DOK6: variants seen among roughly 807,000 people sequenced by gnomAD.
The protein encoded by DOK6 is downstream of tyrosine kinase 6.
DOK6 carries 22 observed loss-of-function variants against 44.0 expected under a neutral mutation model. The ratio of observed to expected loss-of-function variants is 0.50; its 90% CI spans 0.36 to 0.71. The LOEUF is 0.71. Ranked by LOEUF, DOK6 falls within the 30% of genes least tolerant of loss-of-function variation. The pLI, the probability that DOK6 is intolerant of heterozygous loss-of-function variation, is 0.00. For missense variants in DOK6, 340 were observed against 416.4 expected (o/e 0.82, Z 1.60); for synonymous variants, 166 against 145.5 (o/e 1.14, Z -1.01).
At chr18:69,527,911 C>T (rs1981875087) in intron 1 of DOK6, among the ~76,000 whole-genome samples, 1 of 151,950 alleles carries the variant, frequency 6.6e-6, no homozygotes, top group Non-Finnish European at 1.5e-5. Flanking sequence ...ACCTGTAATC[C>T]CAGCAATGCT....
intron 3 of DOK6, among the ~76,000 whole-genome samples, chr18:69,633,281 G>T (rs1338533194): frequency 6.6e-6 from 1 of 152,072 alleles, no homozygotes; most frequent in South Asian, 2.1e-4. Flanking sequence ...TATTCACACC[G>T]ATTTTACAAA....
At chr18:69,692,529 C>T (rs565348203) in intron 4 of DOK6, among the ~76,000 whole-genome samples, 1 of 152,314 alleles carries the variant, frequency 6.6e-6, no homozygotes, top group South Asian at 2.1e-4. Flanking sequence ...AATTTGAAGC[C>T]TCCTGCCATC....
intron 7 of DOK6, among the ~76,000 whole-genome samples, chr18:69,817,590 T>TTCTC (rs908043772): frequency 2.0e-5 from 3 of 151,936 alleles, no homozygotes; most frequent in Non-Finnish European, 2.9e-5. Context: ...GAGAACTGCA[T>TTCTC]TCTCTCTCTC....
chr18:69,813,550 A>G (rs1341663285), intron 7 of DOK6, among the ~76,000 whole-genome samples: 3 of 152,180 alleles, frequency 2.0e-5, no homozygotes, highest in Admixed American at 2.0e-4. Flanking sequence ...GAAACCCTCT[A>G]ACCTTGATGG....
intron 1 of DOK6, among the ~76,000 whole-genome samples, chr18:69,560,172 T>C (rs1982793911): frequency 6.6e-6 from 1 of 152,142 alleles, no homozygotes; most frequent in Admixed American, 6.6e-5. Context: ...GGTATATTGA[T>C]CTTAATTTAA....
In DOK6 at chr18:69,509,277, T is replaced by G. The variant is rs141016082; in HGVS notation, c.67-55210T>G. The stretch of plus-strand genomic sequence containing the variant: ...GTGTGTTTCTTCAACCTCATTTATA[T>G]ATGAAATTCAACCACCTTTCAAAAT... On this transcript the variant is annotated intron_variant, in intron 1 of 7. Coordinates refer to ENST00000382713, the MANE Select transcript of DOK6 (RefSeq NM_152721.6). Among the ~76,000 whole-genome samples the G allele has an allele frequency of 3.6e-3, 556 of 152,334 alleles. 3 individuals are homozygous for G. Among genetic ancestry groups the G allele is most frequent in the African/African-American group, 0.013 (530 of 41,570 alleles).
intron 1 of DOK6, among the ~76,000 whole-genome samples, chr18:69,509,637 CAAAAAAA>C (rs1183367298): frequency 5.9e-5 from 2 of 33,990 alleles, no homozygotes; most frequent in Non-Finnish European, 1.1e-4. Flanking sequence ...GGCTCTGTCT[CAAAAAAA>C]AAAAAAAAAA....
chr18:69,507,153 A>G (rs1399449358), intron 1 of DOK6, among the ~76,000 whole-genome samples: 1 of 151,878 alleles, frequency 6.6e-6, no homozygotes, highest in East Asian at 1.9e-4. Context: ...TCAGCCTCTC[A>G]AGTAGCTGAG....
intron 5 of DOK6, among the ~76,000 whole-genome samples, chr18:69,730,969 T>TA (rs199953855): frequency 2.6e-5 from 4 of 152,020 alleles, no homozygotes; most frequent in South Asian, 2.1e-4. Context: ...TGTTAAAAAT[T>TA]AAAAAAAATT....
chr18:69,509,457 GA>G (rs1981291342), intron 1 of DOK6, among the ~76,000 whole-genome samples: 1 of 151,878 alleles, frequency 6.6e-6, no homozygotes, highest in Non-Finnish European at 1.5e-5. Context: ...CTAACATGGT[GA>G]AACCCCGTCT....
At chr18:69,716,529 G>A (rs961095459) in intron 5 of DOK6, among the ~76,000 whole-genome samples, 5 of 151,952 alleles carry the variant, frequency 3.3e-5, no homozygotes, top group African/African-American at 7.3e-5. Context: ...CATTTGTACA[G>A]GTTCTCTTAA....
intron 7 of DOK6, among the ~76,000 whole-genome samples, chr18:69,777,658 G>A (rs1475709028): frequency 1.3e-5 from 2 of 151,064 alleles, no homozygotes; most frequent in African/African-American, 4.9e-5. Context: ...AATTCAAAAT[G>A]GCCTCCTTCC....
chr18:69,418,335 A>G (rs1978394641), intron 1 of DOK6, among the ~76,000 whole-genome samples: 2 of 152,172 alleles, frequency 1.3e-5, no homozygotes, highest in South Asian at 4.1e-4. Flanking sequence ...TTTATGTCAA[A>G]TTCAAATGGA....
intron 6 of DOK6, among the ~76,000 whole-genome samples, chr18:69,748,021 CAT>C (rs1568114290): frequency 3.9e-5 from 6 of 152,018 alleles, no homozygotes; most frequent in Admixed American, 2.6e-4. Flanking sequence ...CAAAGACACA[CAT>C]AGACTCAAAA....
At chr18:69,838,525 T>A (rs1982115395) in intron 7 of DOK6, among the ~76,000 whole-genome samples, 1 of 152,138 alleles carries the variant, frequency 6.6e-6, no homozygotes, top group African/African-American at 2.4e-5. Context: ...GCGATTACCA[T>A]GACATGGTGG....
intron 7 of DOK6, among the ~76,000 whole-genome samples, chr18:69,813,435 C>T (rs1285111644): frequency 3.3e-5 from 5 of 151,880 alleles, no homozygotes; most frequent in Non-Finnish European, 7.4e-5. Context: ...AAAATGTTGT[C>T]CCTAATGTTT....
At chr18:69,482,819 G>A (rs1365011501) in intron 1 of DOK6, among the ~76,000 whole-genome samples, 5 of 151,860 alleles carry the variant, frequency 3.3e-5, no homozygotes, top group African/African-American at 1.2e-4. Context: ...TATGAGTTCT[G>A]TAATTTAAAA....
At chr18:69,702,406 A>G (rs550685600) in intron 5 of DOK6, among the ~76,000 whole-genome samples, 4 of 152,288 alleles carry the variant, frequency 2.6e-5, no homozygotes, top group African/African-American at 9.6e-5. Context: ...GCAATTAACT[A>G]AAATATAGTC....
At chr18:69,569,306 A>G (rs185151762) in intron 2 of DOK6, among the ~76,000 whole-genome samples, 2 of 152,336 alleles carry the variant, frequency 1.3e-5, no homozygotes, top group Admixed American at 1.3e-4. Context: ...GAAGTGGCAA[A>G]TTGAAAGCAA....
Sources: allele counts gnomAD v4.1 joint callset (sites outside exome capture counted in the v4.1 genomes callset), GRCh38; gene constraint gnomAD v4.1.1; transcripts MANE v1.5; gene names NCBI Gene and HGNC (gene_info 2026-07-23, HGNC 2026-07-21).